The following SIPA1L3 variants were observed in gnomAD, a reference collection of about 807,000 sequenced individuals.
SIPA1L3 encodes the protein signal-induced proliferation-associated 1-like protein 3.
In SIPA1L3, 59 loss-of-function variants were observed where a neutral mutation model predicts 150.1. The observed-to-expected ratio is 0.39, with a 90% CI of 0.32 to 0.49. SIPA1L3 has a LOEUF of 0.49. Among genes scored for constraint, SIPA1L3 ranks in the 20% least tolerant of loss-of-function variants. SIPA1L3 has a pLI of 0.86. For missense variants in SIPA1L3, 2,211 were observed against 2,489.5 expected, an observed-to-expected ratio of 0.89 and a Z score of 2.38; for synonymous variants, 1,070 against 1,077.6, an observed-to-expected ratio of 0.99 and a Z score of 0.14.
intron 20 of SIPA1L3, 111 bp from the exon 21 acceptor site, chr19:38,204,016 T>C (rs547620811): frequency 3.7e-6 from 3 of 805,684 alleles, no homozygotes; most frequent in East Asian, 5.4e-5. Flanking sequence ...CAGGCTTTGC[T>C]AGAATGTCAG....
At chr19:38,065,542 G>C (rs1440884710) in intron 2 of SIPA1L3, among the ~76,000 whole-genome samples, 1 of 151,068 alleles carries the variant, frequency 6.6e-6, no homozygotes, top group African/African-American at 2.4e-5. Flanking sequence ...TCAGCCTCCC[G>C]AGTAGCTGGG....
intron 2 of SIPA1L3, among the ~76,000 whole-genome samples, chr19:38,034,991 A>G (rs1274176156): frequency 1.3e-5 from 2 of 152,138 alleles, no homozygotes; most frequent in Non-Finnish European, 2.9e-5. Context: ...GCGGCTCCCC[A>G]TCCGGTGAGG....
At position 38,006,098 on chromosome 19, in the gene SIPA1L3, C is replaced by T. The variant is rs531126388; in HGVS notation, c.-378-22991C>T. Among the ~76,000 whole-genome samples the T allele has an allele frequency of 3.3e-5, 5 of 152,178 alleles. No homozygotes were observed. In the South Asian group the frequency reaches 1.0e-3, roughly 32 times the overall value. ...GAATGGTGGAGGAAAAAACTGGGTG[C>T]CAAGACATCATGTAACTAGTTGGGG... On this transcript the variant is annotated intron_variant, in intron 1 of 21. Transcript: ENST00000222345.
intron 7 of SIPA1L3, 75 bp downstream of exon 7, chr19:38,106,715 G>C: frequency 1.0e-6 from 1 of 999,716 alleles, no homozygotes. Context: ...TCCCAGTTCT[G>C]TCCTGTGGAT....
chr19:38,089,343 A>AG (rs924653452), intron 4 of SIPA1L3, among the ~76,000 whole-genome samples: 6 of 151,832 alleles, frequency 4.0e-5, no homozygotes, highest in African/African-American at 1.5e-4. Flanking sequence ...AAAAAAAAAA[A>AG]AAAAGAAAAA....
At chr19:38,101,737 C>T (rs1203694984) in intron 6 of SIPA1L3, among the ~76,000 whole-genome samples, 2 of 152,112 alleles carry the variant, frequency 1.3e-5, no homozygotes, top group Non-Finnish European at 2.9e-5. Flanking sequence ...GAAAACAGTA[C>T]AGCACATTCA....
rs555415613 is a variant in SIPA1L3 at position 38,164,178 on chromosome 19, G to T, written c.3781-301G>T. 6.6e-6 allele frequency among the ~76,000 whole-genome samples: 1 copy of T among 152,274 alleles called. No homozygotes were observed. Among genetic ancestry groups the T allele is most frequent in the African/African-American group, 2.4e-5 (1 of 41,558 alleles). Reference sequence around the variant, plus strand: ...TCATTGAGATGAGGAAGACGCTGCCGAACTCAGTCTTAGATTCGCTGAGTC... The same window carrying T: ...TCATTGAGATGAGGAAGACGCTGCCTAACTCAGTCTTAGATTCGCTGAGTC... On this transcript the variant is annotated intron_variant, in intron 14 of 21. Coordinates refer to ENST00000222345, the MANE Select transcript of SIPA1L3 (RefSeq NM_015073.3). The surrounding 1 kb of genome is among the most constrained non-coding windows in gnomAD (Gnocchi z 4.1).
chr19:38,162,323 G>A lies in SIPA1L3; in HGVS notation c.3732G>A (p.Pro1244=), dbSNP rs62121443. 7,976 of 1,614,210 alleles carry A rather than the reference G, an allele frequency of 4.9e-3. 29 individuals are homozygous for A. Among genetic ancestry groups the A allele is most frequent in the Non-Finnish European group, 6.0e-3 (7,031 of 1,180,014 alleles). Residue 1244 remains proline (P), a synonymous_variant, in exon 14 of 22, where the codon CCG becomes CCA. Coordinates refer to ENST00000222345, the MANE Select transcript of SIPA1L3 (RefSeq NM_015073.3). ...CCGGAAGCAGCGGGAACAAGCACCC[G>A]TCCAGGCAGGATGCAGCAGGCAAAG... ...AIAGSSGNKH[P]SRQDAAGKDS...
At chr19:38,106,511 G>T in intron 6 of SIPA1L3, 26 bp from the exon 7 acceptor site, 1 of 1,498,688 alleles carries the variant, frequency 6.7e-7, no homozygotes, top group East Asian at 2.3e-5. Flanking sequence ...TTGGAAACAT[G>T]GTCCTAACTG....
chr19:38,181,503 C>T (rs1972553085), intron 15 of SIPA1L3, among the ~76,000 whole-genome samples: 1 of 151,420 alleles, frequency 6.6e-6, no homozygotes, highest in South Asian at 2.1e-4. Context: ...TCCCACCCAT[C>T]CCCCACAAAA....
At chr19:38,042,184 C>G (rs981185046) in intron 2 of SIPA1L3, among the ~76,000 whole-genome samples, 1 of 152,136 alleles carries the variant, frequency 6.6e-6, no homozygotes, top group Admixed American at 6.5e-5. Flanking sequence ...GGTTTCAAAT[C>G]TTACATTTAG....
At chr19:37,938,282 T>C (rs957861021) in intron 1 of SIPA1L3, among the ~76,000 whole-genome samples, 5 of 152,190 alleles carry the variant, frequency 3.3e-5, no homozygotes, top group Non-Finnish European at 5.9e-5. Context: ...GCTGTGAATA[T>C]TGTTACACTT....
rs1228305603 is a variant in SIPA1L3 at position 38,046,362 on chromosome 19, C to G, written c.-311+17206C>G. Reference sequence around the variant, plus strand: ...CCAGCGCTGCCAGCAGCCTGTCCCCCCTCCTCATTTCCCTATTTCTTTTGA... The same window carrying G: ...CCAGCGCTGCCAGCAGCCTGTCCCCGCTCCTCATTTCCCTATTTCTTTTGA... On this transcript the variant is annotated intron_variant, in intron 2 of 21. Transcript: ENST00000222345. This position sits in a 1 kb window ranked among gnomAD's most constrained non-coding sequence, Gnocchi z 5.6. 6.6e-6 allele frequency among the ~76,000 whole-genome samples: 1 copy of G among 152,130 alleles called. No individual in the cohort carries two copies. Among genetic ancestry groups the G allele is most frequent in the Admixed American group, 6.5e-5 (1 of 15,276 alleles).
intron 10 of SIPA1L3, among the ~76,000 whole-genome samples, chr19:38,135,035 A>T (rs918617805): frequency 1.3e-5 from 2 of 152,194 alleles, no homozygotes; most frequent in Non-Finnish European, 2.9e-5. Context: ...GAGAAAACCG[A>T]GGCCCAGAGT....
chr19:38,039,862 G>A (rs1185941629), intron 2 of SIPA1L3, among the ~76,000 whole-genome samples: 3 of 152,138 alleles, frequency 2.0e-5, no homozygotes, highest in Admixed American at 6.5e-5. Flanking sequence ...GCTCACGCCT[G>A]TAATCCTGTC....
At chr19:38,005,199 C>A (rs1967910859) in intron 1 of SIPA1L3, among the ~76,000 whole-genome samples, 1 of 151,964 alleles carries the variant, frequency 6.6e-6, no homozygotes, top group African/African-American at 2.4e-5. Flanking sequence ...AAGCTGGAAT[C>A]ATTTAAGCAG....
chr19:38,198,270 C>T (rs1480877503), intron 18 of SIPA1L3, 119 bp from the exon 19 acceptor site: 3 of 1,206,104 alleles, frequency 2.5e-6, no homozygotes, highest in African/African-American at 1.6e-5. Flanking sequence ...GACCCCTTAC[C>T]CTGCTGGAGG....
chr19:37,995,725 C>A (rs1967625500), intron 1 of SIPA1L3, among the ~76,000 whole-genome samples: 1 of 152,114 alleles, frequency 6.6e-6, no homozygotes, highest in African/African-American at 2.4e-5. Context: ...GTTAAGGAAG[C>A]CTCTTTGGGT....
At chr19:38,147,925 C>T (rs560452169) in intron 12 of SIPA1L3, among the ~76,000 whole-genome samples, 47 of 152,222 alleles carry the variant, frequency 3.1e-4, no homozygotes, top group African/African-American at 1.0e-3. Flanking sequence ...CTGACCCTGA[C>T]GTAGAACTTT....
Sources: gnomAD v4.1 joint callset for allele counts (sites outside exome capture counted in the v4.1 genomes callset) on GRCh38, gnomAD v4.1.1 for gene constraint, Gnocchi (gnomAD v3.1) non-coding constraint, MANE v1.5 for transcripts, NCBI Gene and HGNC (gene_info 2026-07-23, HGNC 2026-07-21) for gene names.